The following ZSCAN5A variants were observed in gnomAD, a reference collection of about 807,000 sequenced individuals.
The protein encoded by ZSCAN5A is zinc finger and SCAN domain containing 5A.
A neutral mutation model predicts 23.7 loss-of-function variants in ZSCAN5A; 12 were observed. The observed-to-expected ratio is 0.51, with a 90% CI of 0.32 to 0.82. The LOEUF (loss-of-function observed/expected upper bound fraction) is 0.82, where lower values mean the gene tolerates loss of function less well. Ranked by LOEUF, ZSCAN5A falls within the 40% of genes least tolerant of loss-of-function variation. ZSCAN5A has a pLI of 0.03. For synonymous variants in ZSCAN5A, 257 were observed against 239.9 expected, an observed-to-expected ratio of 1.07 and a Z score of -0.66; for missense variants, 597 against 617.9, an observed-to-expected ratio of 0.97 and a Z score of 0.36.
At chr19:56,332,976 A>C (rs980360528) in intron 2 of ZSCAN5A, among the ~76,000 whole-genome samples, 6 of 152,220 alleles carry the variant, frequency 3.9e-5, no homozygotes, top group African/African-American at 1.4e-4. Context: ...AGAATGCTGA[A>C]AATAGGCCTT....
rs141742820 is a variant in ZSCAN5A at position 56,244,005 on chromosome 19, A to G, written c.-127-18832T>C. 5.9e-4 allele frequency: 432 copies of G among 733,136 alleles called. 1 individual carries two copies. The highest frequency in any genetic ancestry group is 3.3e-3 in the East Asian group (132 of 40,330). 45.4% of individuals were successfully genotyped at this position (733,136 alleles called of 1,614,324 possible). A position where few individuals can be genotyped will look rare whatever the true frequency, so the allele number is the denominator to read the frequency against. On this transcript the variant is annotated intron_variant, in intron 2 of 5. Coordinates refer to ENST00000683990, the MANE Select transcript of ZSCAN5A (RefSeq NM_001322064.3). ...CAATTAGACACCAGCTACTGGAAGA[A>G]CTTTCTCAGAGACTGACTGAAATAT... is the stretch of plus-strand genomic sequence containing the variant.
chr19:56,282,580 T>C (rs559169429), intron 2 of ZSCAN5A: 497 of 867,114 alleles, frequency 5.7e-4, no homozygotes, highest in Non-Finnish European at 6.6e-4. Context: ...GAACTTCGAC[T>C]TACGTTTCTT....
chr19:56,235,204 G>C (rs1367717880), intron 2 of ZSCAN5A, among the ~76,000 whole-genome samples: 4 of 44,904 alleles, frequency 8.9e-5, no homozygotes, highest in African/African-American at 2.8e-4. Flanking sequence ...TCTGATGGAC[G>C]GTGGGCCAAG....
At chr19:56,363,658 CAT>C (rs1183385001) in intron 1 of ZSCAN5A, among the ~76,000 whole-genome samples, 5 of 152,214 alleles carry the variant, frequency 3.3e-5, no homozygotes, top group African/African-American at 4.8e-5. Flanking sequence ...ACAAACGTGA[CAT>C]GTGTTATGCC....
chr19:56,357,900 A>T (rs1260548513), intron 2 of ZSCAN5A, among the ~76,000 whole-genome samples: 1 of 148,678 alleles, frequency 6.7e-6, no homozygotes, highest in African/African-American at 2.5e-5. Flanking sequence ...CTAGGCTCAA[A>T]GTAAACGGAT....
intron 2 of ZSCAN5A, among the ~76,000 whole-genome samples, chr19:56,293,933 A>G (rs1337242049): frequency 6.6e-6 from 1 of 152,166 alleles, no homozygotes; most frequent in Admixed American, 6.5e-5. Context: ...CTGGCACGGG[A>G]TAAGAGCTCA....
chr19:56,225,101 A>G lies in ZSCAN5A; in HGVS notation c.-55T>C, dbSNP rs1292628554. On this transcript the variant is annotated 5_prime_UTR_variant, in exon 3 of 6. Coordinates refer to ENST00000683990, the MANE Select transcript of ZSCAN5A (RefSeq NM_001322064.3). ...TGAGAAAGCTCTTCCAGTAGCTGGT[A>G]TCTAATTGATACCTATCTACACAGG... The G allele has an allele frequency of 2.6e-6, 4 of 1,526,752 alleles. No homozygotes were observed. Among genetic ancestry groups the G allele is most frequent in the Middle Eastern group, 1.8e-4 (1 of 5,630 alleles). The allele number at this position is 1,526,752 out of a possible 1,614,324, so 94.6% of individuals were successfully genotyped here.
chr19:56,233,405 T>A (rs974539984), intron 2 of ZSCAN5A, among the ~76,000 whole-genome samples: 3 of 152,072 alleles, frequency 2.0e-5, no homozygotes, highest in Non-Finnish European at 2.9e-5. Flanking sequence ...GAGAATGAAA[T>A]GAGAGGACAT....
chr19:56,224,253 C>G (rs370491846), intron 3 of ZSCAN5A: 17 of 251,650 alleles, frequency 6.8e-5, no homozygotes, highest in Middle Eastern at 1.4e-3. Flanking sequence ...CCTGGGCCCC[C>G]CTTCAGTTCA....
chr19:56,336,203 C>T (rs919865161), intron 2 of ZSCAN5A, among the ~76,000 whole-genome samples: 27 of 152,192 alleles, frequency 1.8e-4, no homozygotes, highest in African/African-American at 5.8e-4. Flanking sequence ...CCATTCTCCC[C>T]GTCACTTTCA....
chr19:56,255,112 G>A (rs181905005), intron 2 of ZSCAN5A, among the ~76,000 whole-genome samples: 3 of 151,948 alleles, frequency 2.0e-5, no homozygotes, highest in Admixed American at 1.3e-4. Flanking sequence ...TAAATGGCAC[G>A]TTATCAGTTT....
intron 2 of ZSCAN5A, among the ~76,000 whole-genome samples, chr19:56,238,638 A>C (rs578194314): frequency 6.6e-4 from 100 of 152,270 alleles, no homozygotes; most frequent in Middle Eastern, 3.4e-3. Flanking sequence ...CTCTAAAAAT[A>C]AATCAATCAA....
At position 56,347,883 on chromosome 19, in the gene ZSCAN5A, G is replaced by T. The variant is rs2041644509; in HGVS notation, c.-358+15352C>A. ...GAGCAAGCTCGGGAGACGGACAGAG[G>T]CTCTAGCAGCAGCTTTGCAGGCTTG... On this transcript the variant is annotated intron_variant, in intron 2 of 6. Transcript: ENST00000587340. 1.3e-5 allele frequency: 2 copies of T among 152,296 alleles called. 1 individual carries two copies. Among genetic ancestry groups the T allele is most frequent in the South Asian group, 4.1e-4 (2 of 4,828 alleles). The allele number at this position is 152,296 out of a possible 1,614,324, so 9.4% of individuals were successfully genotyped here.
intron 2 of ZSCAN5A, chr19:56,247,024 C>A: frequency 1.0e-6 from 1 of 987,116 alleles, no homozygotes; most frequent in Non-Finnish European, 1.6e-6. Flanking sequence ...AGTCAGTCAC[C>A]CCAATGGCCA....
At chr19:56,232,427 C>T (rs2034548692) in intron 2 of ZSCAN5A, among the ~76,000 whole-genome samples, 1 of 151,946 alleles carries the variant, frequency 6.6e-6, no homozygotes, top group South Asian at 2.1e-4. Context: ...GAGTAGTATT[C>T]CAAACTTTAT....
chr19:56,257,247 G>A (rs764878215), intron 2 of ZSCAN5A, among the ~76,000 whole-genome samples: 5 of 152,170 alleles, frequency 3.3e-5, no homozygotes, highest in African/African-American at 4.8e-5. Flanking sequence ...GAATGGACAC[G>A]AAAGGAGAGA....
intron 2 of ZSCAN5A, among the ~76,000 whole-genome samples, chr19:56,324,162 C>G (rs2041411093): frequency 6.6e-6 from 1 of 152,090 alleles, no homozygotes; most frequent in South Asian, 2.1e-4. Flanking sequence ...AACCACCAAT[C>G]AACTCTCTAA....
intron 2 of ZSCAN5A, among the ~76,000 whole-genome samples, chr19:56,251,055 C>T (rs1253487512): frequency 6.6e-6 from 1 of 151,044 alleles, no homozygotes; most frequent in Middle Eastern, 3.2e-3. Flanking sequence ...GAAGCTGGGG[C>T]AGGAGAATCG....
intron 2 of ZSCAN5A, among the ~76,000 whole-genome samples, chr19:56,270,880 T>A (rs2037799217): frequency 6.6e-6 from 1 of 152,128 alleles, no homozygotes; most frequent in Non-Finnish European, 1.5e-5. Flanking sequence ...GTCCTAAATG[T>A]CAGCTGTGCC....
Sources: allele counts gnomAD v4.1 joint callset (sites outside exome capture counted in the v4.1 genomes callset), GRCh38; gene constraint gnomAD v4.1.1; transcripts MANE v1.5; gene names NCBI Gene and HGNC (gene_info 2026-07-23, HGNC 2026-07-21).